The following DEPDC1B variants were observed in gnomAD, a reference collection of about 807,000 sequenced individuals.
DEPDC1B encodes DEP domain-containing protein 1B.
DEPDC1B carries 51 observed loss-of-function variants against 66.5 expected under a neutral mutation model. That is an observed-to-expected ratio of 0.77 (90% CI 0.61 to 0.97). The LOEUF is 0.97. Among genes scored for constraint, DEPDC1B ranks in the 50% least tolerant of loss-of-function variants. The pLI is 0.00. For synonymous variants in DEPDC1B, 226 were observed against 223.6 expected (o/e 1.01, Z -0.10); for missense variants, 552 against 637.1 (o/e 0.87, Z 1.44).
At chr5:60,641,839 A>G (rs1753198638) in intron 6 of DEPDC1B, among the ~76,000 whole-genome samples, 1 of 152,188 alleles carries the variant, frequency 6.6e-6, no homozygotes, top group Non-Finnish European at 1.5e-5. Flanking sequence ...ACCAAAAACC[A>G]ATGAAAATGT....
At chr5:60,602,508 T>A (rs1344703320) in intron 9 of DEPDC1B, among the ~76,000 whole-genome samples, 1 of 151,962 alleles carries the variant, frequency 6.6e-6, no homozygotes, top group African/African-American at 2.4e-5. Flanking sequence ...TGAGAAGAGG[T>A]CCAATCAGTC....
At chr5:60,652,908 T>C (rs760390794) in intron 2 of DEPDC1B, among the ~76,000 whole-genome samples, 11 of 149,428 alleles carry the variant, frequency 7.4e-5, no homozygotes, top group Non-Finnish European at 1.6e-4. Flanking sequence ...TCCAATTTCA[T>C]CCAGATTGCT....
chr5:60,688,856 C>T (rs936225360), intron 1 of DEPDC1B: 1 of 306,490 alleles, frequency 3.3e-6, no homozygotes, highest in East Asian at 9.2e-5. Context: ...GCACACCACA[C>T]ACTGATTGGA....
Position 60,644,747 on chromosome 5 carries a change from G to T in DEPDC1B, c.707C>A (p.Ser236Ter). The T allele has an allele frequency of 1.3e-6, 2 of 1,587,872 alleles. No individual in the cohort carries two copies. Among genetic ancestry groups the T allele is most frequent in the South Asian group, 1.2e-5 (1 of 84,790 alleles). Residue 236 changes from serine to a stop codon, truncating the protein, a stop_gained and splice_region_variant, in exon 5 of 11, where the codon TCA becomes TAA. Coordinates refer to ENST00000265036, the MANE Select transcript of DEPDC1B (RefSeq NM_018369.3). LOFTEE classifies it high-confidence loss of function. ...KQGVVILDDK[S>*]KELPHWVLSA... Reference sequence around the variant, plus strand: ...CAAAATTATATTTATGCACTTACTTGACTTGTCATCAAGAATAACAACTCC... The same window carrying T: ...CAAAATTATATTTATGCACTTACTTTACTTGTCATCAAGAATAACAACTCC...
In DEPDC1B at chr5:60,700,084, G is replaced by C. The variant is rs562961386; in HGVS notation, c.10C>G (p.Arg4Gly). MEH[R>G]IVGPGPYRAT... ...CGGTACGGCCCGGGCCCCACGATGC[G>C]ATGCTCCATGGCGCGTAGGCAGCAG... The change falls in exon 1 of 11, where the codon CGC becomes GGC. Residue 4 changes from arginine to glycine, a missense_variant. Transcript: ENST00000265036. 27 of 1,556,938 alleles carry C rather than the reference G, an allele frequency of 1.7e-5. No individual in the cohort carries two copies. In the South Asian group the frequency reaches 2.8e-4, roughly 16 times the overall value.
intron 2 of DEPDC1B, among the ~76,000 whole-genome samples, chr5:60,658,509 AG>A (rs2040836126): frequency 6.6e-6 from 1 of 152,228 alleles, no homozygotes; most frequent in South Asian, 2.1e-4. Flanking sequence ...AGACAACACT[AG>A]CTGGATTTCC....
chr5:60,619,522 G>A (rs1181620282), intron 7 of DEPDC1B, among the ~76,000 whole-genome samples: 2 of 152,270 alleles, frequency 1.3e-5, no homozygotes, highest in South Asian at 4.1e-4. Flanking sequence ...CAAATCACGA[G>A]TGAACTCCCA....
intron 1 of DEPDC1B, among the ~76,000 whole-genome samples, chr5:60,698,491 G>A (rs1459844851): frequency 6.6e-6 from 1 of 152,170 alleles, no homozygotes; most frequent in East Asian, 1.9e-4. Context: ...AAGTCAAGCA[G>A]CCATCTTCCA....
At chr5:60,625,699 C>A (rs541082138) in intron 7 of DEPDC1B, among the ~76,000 whole-genome samples, 2 of 152,158 alleles carry the variant, frequency 1.3e-5, no homozygotes, top group East Asian at 1.9e-4. Flanking sequence ...CATTCTACCC[C>A]CCTCCTCCTT....
At chr5:60,605,887 C>G in intron 7 of DEPDC1B, 31 bp from the exon 8 acceptor site, 1 of 1,582,406 alleles carries the variant, frequency 6.3e-7, no homozygotes, top group South Asian at 1.2e-5. Context: ...TGTTATCTTT[C>G]AACACCTATA....
chr5:60,681,735 C>T (rs568448003), intron 2 of DEPDC1B, among the ~76,000 whole-genome samples: 1 of 151,992 alleles, frequency 6.6e-6, no homozygotes, highest in African/African-American at 2.4e-5. Flanking sequence ...CAAAATAACA[C>T]AGACAGACAA....
At chr5:60,692,146 A>G (rs772221145) in intron 1 of DEPDC1B, among the ~76,000 whole-genome samples, 12 of 152,224 alleles carry the variant, frequency 7.9e-5, no homozygotes, top group South Asian at 2.1e-4. Flanking sequence ...GAGTTCAAAG[A>G]GGCAAAAAGC....
intron 2 of DEPDC1B, among the ~76,000 whole-genome samples, chr5:60,672,460 G>T (rs915430565): frequency 6.6e-6 from 1 of 152,204 alleles, no homozygotes; most frequent in African/African-American, 2.4e-5. Context: ...GAAAGAAAGA[G>T]CGCAAAGGGG....
chr5:60,644,898 A>G, intron 4 of DEPDC1B, 23 bp from the exon 5 acceptor site: 2 of 1,539,922 alleles, frequency 1.3e-6, no homozygotes, highest in Non-Finnish European at 1.8e-6. Context: ...TAATTATATT[A>G]ATTAGTTCTG....
intron 10 of DEPDC1B, among the ~76,000 whole-genome samples, chr5:60,598,385 A>G (rs1752136720): frequency 6.6e-6 from 1 of 152,138 alleles, no homozygotes; most frequent in South Asian, 2.1e-4. Flanking sequence ...CTCTCCTCCA[A>G]AATTACTCTG....
chr5:60,644,586 C>T (rs536922365), intron 5 of DEPDC1B, among the ~76,000 whole-genome samples, 159 bp downstream of exon 5: 2 of 152,248 alleles, frequency 1.3e-5, no homozygotes, highest in African/African-American at 4.8e-5. Flanking sequence ...CTATGACATT[C>T]CCTTATTCCA....
chr5:60,630,194 C>T (rs1752891728), intron 7 of DEPDC1B, among the ~76,000 whole-genome samples: 1 of 152,206 alleles, frequency 6.6e-6, no homozygotes, highest in African/African-American at 2.4e-5. Flanking sequence ...GTTTATTAGA[C>T]AGACTCGCCA....
intron 2 of DEPDC1B, among the ~76,000 whole-genome samples, chr5:60,648,984 AT>A (rs1365242257): frequency 2.6e-5 from 4 of 152,292 alleles, no homozygotes; most frequent in Admixed American, 6.5e-5. Context: ...TACAGGTAGG[AT>A]ATTGAATGTA....
chr5:60,617,766 C>T (rs937870537), intron 7 of DEPDC1B, among the ~76,000 whole-genome samples: 10 of 152,176 alleles, frequency 6.6e-5, no homozygotes, highest in Admixed American at 5.2e-4. Context: ...AGGAACTGAA[C>T]TCAGCTCTGC....
Sources: gnomAD v4.1 joint callset for allele counts (sites outside exome capture counted in the v4.1 genomes callset) on GRCh38, gnomAD v4.1.1 for gene constraint, MANE v1.5 for transcripts, NCBI Gene and HGNC (gene_info 2026-07-23, HGNC 2026-07-21) for gene names.